NFATC1: variants seen among roughly 807,000 people sequenced by gnomAD.
NFATC1 encodes the protein nuclear factor of activated T-cells, cytoplasmic 1.
Under a neutral mutation model 76.0 loss-of-function variants are expected in NFATC1, and 22 were observed. That is an observed-to-expected ratio of 0.29 (90% CI 0.21 to 0.41). NFATC1 has a LOEUF of 0.41. Among genes scored for constraint, NFATC1 ranks in the 10% least tolerant of loss-of-function variants. The pLI, the probability that NFATC1 is intolerant of heterozygous loss-of-function variation, is 1.00. For synonymous variants in NFATC1, 704 were observed against 613.1 expected (o/e 1.15, Z -2.19); for missense variants, 1,357 against 1,337.7 (o/e 1.01, Z -0.23).
intron 2 of NFATC1, chr18:79,422,611 C>T (rs1471664544): frequency 6.6e-6 from 1 of 152,304 alleles, no homozygotes; most frequent in Admixed American, 6.5e-5. Context: ...GGCATGGGGC[C>T]TGCTGCCTGG....
At position 79,396,009 on chromosome 18, in the gene NFATC1, G is replaced by T; in HGVS notation, c.-216G>T. 1 of 334,846 alleles carries T rather than the reference G, an allele frequency of 3.0e-6. No individual in the cohort carries two copies. Among genetic ancestry groups the T allele is most frequent in the Non-Finnish European group, 4.7e-6 (1 of 213,822 alleles). The allele number at this position is 334,846 out of a possible 1,614,324, so 20.7% of individuals were successfully genotyped here. On this transcript the variant is annotated 5_prime_UTR_variant, in exon 1 of 10. Transcript: ENST00000427363. ...ATCCCAGCAGCAGGGCGCGGGCACC[G>T]GGGCGCGGGCAGGGCTCGGAGCCAC...
chr18:79,430,281 C>T (rs1346963322), intron 2 of NFATC1, among the ~76,000 whole-genome samples: 2 of 152,050 alleles, frequency 1.3e-5, no homozygotes, highest in African/African-American at 4.8e-5. Flanking sequence ...GGCGGCTTTT[C>T]TTTTCTTCTT....
At chr18:79,415,349 C>T (rs1475169114) in intron 2 of NFATC1, among the ~76,000 whole-genome samples, 2 of 152,186 alleles carry the variant, frequency 1.3e-5, no homozygotes, top group Non-Finnish European at 2.9e-5. Flanking sequence ...GTGGCACAAT[C>T]TCGGCTCACT....
Position 79,396,239 on chromosome 18 carries a change from C to T in NFATC1, c.15C>T (p.Ser5=), listed in dbSNP as rs1207137931. ...CCGCCGCGCGGATGCCAAGCACCAG[C>T]TTTCCAGTCCCTTCCAAGTTTCCAC... MPST[S]FPVPSKFPLG... The change falls in exon 1 of 10, where the codon AGC becomes AGT. Residue 5 remains serine (S), a synonymous_variant. Transcript: ENST00000427363. The T allele has an allele frequency of 2.7e-6, 4 of 1,494,324 alleles. No individual in the cohort carries two copies. Among genetic ancestry groups the T allele is most frequent in the Non-Finnish European group, 3.6e-6 (4 of 1,114,632 alleles). 92.6% of individuals were successfully genotyped at this position (1,494,324 alleles called of 1,614,324 possible). A position where few individuals can be genotyped will look rare whatever the true frequency, so the allele number is the denominator to read the frequency against.
intron 3 of NFATC1, among the ~76,000 whole-genome samples, chr18:79,444,443 G>A (rs1044255930): frequency 2.7e-5 from 3 of 109,930 alleles, no homozygotes; most frequent in African/African-American, 9.2e-5. Context: ...CCGAGCCCAC[G>A]CTGCTCTGGA....
chr18:79,455,030 C>A (rs368471070), intron 6 of NFATC1, among the ~76,000 whole-genome samples: 1 of 152,184 alleles, frequency 6.6e-6, no homozygotes, highest in African/African-American at 2.4e-5. Context: ...AGAACGCCCG[C>A]GTGAAACGTG....
rs547436092 is a variant in NFATC1 at position 79,425,661 on chromosome 18, C to T, written c.1227-7918C>T. ...CGATTCCGGGATTCTCATCGTTCAC[C>T]GGCGGAGTCGGGGCGACTCATGAGG... On this transcript the variant is annotated intron_variant, in intron 2 of 9. Coordinates refer to ENST00000427363, the MANE Select transcript of NFATC1 (RefSeq NM_001278669.2). Among the ~76,000 whole-genome samples the T allele has an allele frequency of 2.5e-4, 38 of 149,810 alleles. No individual in the cohort carries two copies. The South Asian group carries it at 7.5e-3, about 30-fold the overall frequency.
chr18:79,490,878 C>T (rs410263), intron 9 of NFATC1, among the ~76,000 whole-genome samples: 71,330 of 151,976 alleles, frequency 0.47, 17,474 homozygotes, highest in Middle Eastern at 0.66. Flanking sequence ...TCACAAACGC[C>T]GTGACATAAA....
chr18:79,421,294 C>T (rs1443345325), intron 2 of NFATC1: 1 of 152,322 alleles, frequency 6.6e-6, no homozygotes, highest in Non-Finnish European at 1.5e-5. Context: ...TCGAGGGTTC[C>T]CTGACACCAA....
intron 9 of NFATC1, among the ~76,000 whole-genome samples, chr18:79,526,209 C>G (rs1049126444): frequency 2.6e-5 from 4 of 152,242 alleles, no homozygotes; most frequent in Admixed American, 1.3e-4. Flanking sequence ...GAGCAGCCTG[C>G]GAGCACCTGG....
Position 79,528,558 on chromosome 18 carries a change from G to A in NFATC1, c.*981G>A, listed in dbSNP as rs959173178. ...TGCATTTTCTCGTCTCACGCAGTTC[G>A]AGGAGGACCCTAGAAAGCCAGGAGC... On this transcript the variant is annotated 3_prime_UTR_variant, in exon 10 of 10. Transcript: ENST00000427363. 2.6e-5 allele frequency: 4 copies of A among 152,218 alleles called. No individual in the cohort carries two copies. The highest frequency in any genetic ancestry group is 9.7e-5 in the African/African-American group (4 of 41,436). 9.4% of individuals were successfully genotyped at this position (152,218 alleles called of 1,614,324 possible).
Position 79,410,397 on chromosome 18 carries a change from C to T in NFATC1, c.128-6C>T. The T allele has an allele frequency of 6.2e-7, 1 of 1,602,352 alleles. No individual in the cohort carries two copies. Among genetic ancestry groups the T allele is most frequent in the Non-Finnish European group, 8.5e-7 (1 of 1,175,354 alleles). On this transcript the variant is annotated splice_region_variant and splice_polypyrimidine_tract_variant and intron_variant, in intron 1 of 9. Transcript: ENST00000427363. This position sits in a 1 kb window ranked among gnomAD's most constrained non-coding sequence, Gnocchi z 6.7. ...CATGCTCCCATCTGCTTCTTTTTCT[C>T]TCTAGAACACTATGGCTATGCATCC...
intron 7 of NFATC1, among the ~76,000 whole-genome samples, chr18:79,463,610 C>T (rs1026398796): frequency 1.2e-4 from 19 of 152,162 alleles, no homozygotes; most frequent in Admixed American, 4.6e-4. Context: ...GGGGTCATTG[C>T]CAGGCCTCCC....
At chr18:79,452,080 C>G (rs11876133) in intron 6 of NFATC1, 9,516 of 353,212 alleles carry the variant, frequency 0.027, 680 homozygotes, top group African/African-American at 0.17. Flanking sequence ...GCTGCTGATA[C>G]TCAGGGAGCC....
chr18:79,522,894 C>T (rs919209867), intron 9 of NFATC1, among the ~76,000 whole-genome samples: 3 of 152,232 alleles, frequency 2.0e-5, no homozygotes, highest in South Asian at 4.1e-4. Flanking sequence ...AACACTGTGG[C>T]TTGCCCAGCG....
At chr18:79,454,601 G>A (rs1014968342) in intron 6 of NFATC1, among the ~76,000 whole-genome samples, 3 of 152,182 alleles carry the variant, frequency 2.0e-5, no homozygotes, top group Admixed American at 6.5e-5. Context: ...TGCGCTCCAC[G>A]GAGCTTCCTC....
chr18:79,437,337 G>A (rs1383000961), intron 3 of NFATC1, among the ~76,000 whole-genome samples: 1 of 152,230 alleles, frequency 6.6e-6, no homozygotes, highest in Non-Finnish European at 1.5e-5. Context: ...CTCAGACAGA[G>A]CCTCCCAGAG....
At chr18:79,441,693 C>T (rs1330117317) in intron 3 of NFATC1, among the ~76,000 whole-genome samples, 1 of 152,144 alleles carries the variant, frequency 6.6e-6, no homozygotes, top group Non-Finnish European at 1.5e-5. Context: ...ACGCGACTCT[C>T]AGTGGCACGG....
At chr18:79,522,375 TG>T (rs2090630020) in intron 9 of NFATC1, among the ~76,000 whole-genome samples, 1 of 27,494 alleles carries the variant, frequency 3.6e-5, no homozygotes, top group Non-Finnish European at 6.3e-5. Flanking sequence ...TCTCTGTGTG[TG>T]TGGGGGGGGG....
Sources: allele counts gnomAD v4.1 joint callset (sites outside exome capture counted in the v4.1 genomes callset), GRCh38; gene constraint gnomAD v4.1.1; non-coding constraint Gnocchi (gnomAD v3.1); transcripts MANE v1.5; gene names NCBI Gene and HGNC (gene_info 2026-07-23, HGNC 2026-07-21).